Variants in FAM110B observed in about 807,000 individuals in gnomAD.
The protein encoded by FAM110B is family with sequence similarity 110 member B, also known as protein FAM110B.
Under a neutral mutation model 20.4 loss-of-function variants are expected in FAM110B, and 6 were observed. That is an observed-to-expected ratio of 0.29 (90% confidence interval 0.16 to 0.58). FAM110B has a LOEUF of 0.58. FAM110B is among the 20% of genes least tolerant of loss of function. FAM110B has a pLI of 0.90. For synonymous variants in FAM110B, 226 were observed against 214.1 expected (o/e 1.06, Z -0.49); for missense variants, 434 against 498.2 (o/e 0.87, Z 1.23).
At chr8:58,077,113 T>C (rs1047024824) in intron 3 of FAM110B, 4 of 152,198 alleles carry the variant, frequency 2.6e-5, no homozygotes, top group Admixed American at 6.5e-5. Flanking sequence ...ATCTTACTTA[T>C]CTTCTTATCT....
At chr8:58,105,549 T>C (rs1806884584) in intron 3 of FAM110B, among the ~76,000 whole-genome samples, 1 of 144,868 alleles carries the variant, frequency 6.9e-6, no homozygotes, top group Non-Finnish European at 1.5e-5. Context: ...AATGAATGAA[T>C]GAATGAATTT....
At position 58,010,391 on chromosome 8, in the gene FAM110B, C is replaced by T. The variant is rs1804508130; in HGVS notation, c.-512+15585C>T. On this transcript the variant is annotated intron_variant, in intron 1 of 3. Transcript: ENST00000519262. ...GTCCTCCAGCTTCCTATAGAGTTTG[C>T]TTCATTTCAGGAATGTGAGGGAACA... is the stretch of plus-strand genomic sequence containing the variant. 2.0e-5 allele frequency among the ~76,000 whole-genome samples: 3 copies of T among 152,092 alleles called. No homozygotes were observed. In the South Asian group the frequency reaches 6.2e-4, roughly 32 times the overall value.
intron 1 of FAM110B, among the ~76,000 whole-genome samples, chr8:58,023,753 A>G (rs756151583): frequency 1.3e-5 from 2 of 152,216 alleles, no homozygotes; most frequent in South Asian, 2.1e-4. Flanking sequence ...TATTGACTCA[A>G]AATCATTGAA....
At chr8:58,046,721 A>G (rs957924789) in intron 2 of FAM110B, among the ~76,000 whole-genome samples, 3 of 152,346 alleles carry the variant, frequency 2.0e-5, no homozygotes, top group African/African-American at 4.8e-5. Context: ...AACTCCTATC[A>G]TCTGCTCCTG....
chr8:58,014,095 C>T (rs1246273223), intron 1 of FAM110B, among the ~76,000 whole-genome samples: 1 of 152,210 alleles, frequency 6.6e-6, no homozygotes, highest in African/African-American at 2.4e-5. Flanking sequence ...AACTGTCAGA[C>T]CTAAATTGGC....
At chr8:58,122,482 T>A (rs1245218546) in intron 3 of FAM110B, among the ~76,000 whole-genome samples, 3 of 152,198 alleles carry the variant, frequency 2.0e-5, no homozygotes, top group Non-Finnish European at 4.4e-5. Context: ...CTAATTTTTA[T>A]GATCTTTTCT....
chr8:58,101,573 A>G (rs1268814711), intron 3 of FAM110B, among the ~76,000 whole-genome samples: 1 of 152,136 alleles, frequency 6.6e-6, no homozygotes, highest in Non-Finnish European at 1.5e-5. Context: ...TTTCTTTCTT[A>G]AAACATGACC....
At chr8:58,082,838 T>G (rs1445834706) in intron 3 of FAM110B, among the ~76,000 whole-genome samples, 13 of 127,304 alleles carry the variant, frequency 1.0e-4, no homozygotes, top group African/African-American at 5.3e-4. Flanking sequence ...TCCATTTTTG[T>G]TTTTTTTTGT....
chr8:58,135,954 C>T (rs1803600427), intron 3 of FAM110B, among the ~76,000 whole-genome samples: 1 of 151,038 alleles, frequency 6.6e-6, no homozygotes, highest in Non-Finnish European at 1.5e-5. Flanking sequence ...CCTGGTTCAC[C>T]CAAAATGGGG....
intron 3 of FAM110B, among the ~76,000 whole-genome samples, chr8:58,083,773 G>C (rs540649827): frequency 1.2e-3 from 176 of 152,270 alleles, no homozygotes; most frequent in African/African-American, 4.1e-3. Flanking sequence ...TAGTTTGCCT[G>C]GGGGTGAAAT....
chr8:58,115,323 C>T (rs916092451), intron 3 of FAM110B, among the ~76,000 whole-genome samples: 11 of 152,226 alleles, frequency 7.2e-5, no homozygotes, highest in South Asian at 4.1e-4. Context: ...TGAGCACACA[C>T]GTGCAGAGAC....
At chr8:58,068,409 A>C (rs1423007511) in intron 2 of FAM110B, among the ~76,000 whole-genome samples, 1 of 152,146 alleles carries the variant, frequency 6.6e-6, no homozygotes, top group Non-Finnish European at 1.5e-5. Context: ...CTTTCCCTTG[A>C]AGTTTATGGT....
intron 1 of FAM110B, among the ~76,000 whole-genome samples, chr8:57,997,878 G>T (rs2150560611): frequency 6.6e-6 from 1 of 152,318 alleles, no homozygotes; most frequent in South Asian, 2.1e-4. Context: ...GAGAGTAGGT[G>T]CTGTTATCCC....
intron 3 of FAM110B, among the ~76,000 whole-genome samples, chr8:58,134,052 G>T (rs1472138651): frequency 6.6e-6 from 1 of 152,174 alleles, no homozygotes; most frequent in Non-Finnish European, 1.5e-5. Flanking sequence ...ATAAATAGGT[G>T]TCTATCGTCT....
Position 58,056,220 on chromosome 8 carries a change from A to T in FAM110B, c.-413-19315A>T, listed in dbSNP as rs532938617. Among the ~76,000 whole-genome samples, 3 of 152,344 alleles carry T rather than the reference A, an allele frequency of 2.0e-5. No individual in the cohort carries two copies. The East Asian group carries it at 5.8e-4, about 29-fold the overall frequency. The stretch of plus-strand genomic sequence containing the variant: ...GAAAAAGTTCACTAATCCCTAGTTT[A>T]GTATATATAACTTTTTTAAAAACTA... On this transcript the variant is annotated intron_variant, in intron 2 of 3. Transcript: ENST00000519262.
At chr8:58,017,355 A>G (rs923677108) in intron 1 of FAM110B, among the ~76,000 whole-genome samples, 2 of 152,150 alleles carry the variant, frequency 1.3e-5, no homozygotes, top group Non-Finnish European at 2.9e-5. Context: ...CTGTGTGAAA[A>G]CCTGAAAGTC....
At chr8:58,009,800 GTAA>G in intron 1 of FAM110B, among the ~76,000 whole-genome samples, 1 of 152,298 alleles carries the variant, frequency 6.6e-6, no homozygotes, top group East Asian at 1.9e-4. Context: ...AAAGAAAGTA[GTAA>G]TAACTGAAAG....
At chr8:58,044,252 C>G (rs146636985) in intron 2 of FAM110B, among the ~76,000 whole-genome samples, 2 of 152,244 alleles carry the variant, frequency 1.3e-5, no homozygotes, top group South Asian at 4.1e-4. Context: ...CATAGACTAC[C>G]GTGGTCATGA....
chr8:58,057,240 C>T (rs922313946), intron 2 of FAM110B, among the ~76,000 whole-genome samples: 19 of 152,284 alleles, frequency 1.2e-4, no homozygotes, highest in African/African-American at 4.3e-4. Flanking sequence ...CAGACGAGCT[C>T]TCCAGGGTGA....
Sources: allele counts gnomAD v4.1 joint callset (sites outside exome capture counted in the v4.1 genomes callset), GRCh38; gene constraint gnomAD v4.1.1; transcripts MANE v1.5; gene names NCBI Gene and HGNC (gene_info 2026-07-23, HGNC 2026-07-21).